Variants in KCNN2 observed in about 807,000 individuals in gnomAD.
KCNN2 encodes the protein small conductance calcium-activated potassium channel protein 2.
A neutral mutation model predicts 55.5 loss-of-function variants in KCNN2; 24 were observed. The ratio of observed to expected loss-of-function variants is 0.43; its 90% CI spans 0.31 to 0.61. KCNN2 has a LOEUF of 0.61. KCNN2 is among the 20% of genes least tolerant of loss of function. KCNN2 has a pLI of 0.08. For synonymous variants in KCNN2, 431 were observed against 336.1 expected, an observed-to-expected ratio of 1.28 and a Z score of -3.09; for missense variants, 754 against 853.6, an observed-to-expected ratio of 0.88 and a Z score of 1.45.
intron 2 of KCNN2, among the ~76,000 whole-genome samples, chr5:114,379,074 G>A (rs148050070): frequency 1.5e-3 from 235 of 152,106 alleles, no homozygotes; most frequent in African/African-American, 5.5e-3. Context: ...AGCCCCTCAG[G>A]GCCGCAGCTC....
chr5:114,115,764 G>A (rs886834523), intron 1 of KCNN2, among the ~76,000 whole-genome samples: 4 of 152,044 alleles, frequency 2.6e-5, no homozygotes, highest in African/African-American at 7.2e-5. Flanking sequence ...CAGCTAAAGA[G>A]CCTGCCCTTT....
chr5:114,065,343 C>A lies in KCNN2; in HGVS notation c.-271+8843C>A, dbSNP rs539071419. 6.0e-3 allele frequency among the ~76,000 whole-genome samples: 914 copies of A among 152,254 alleles called. 2 individuals carry two copies. The highest frequency in any genetic ancestry group is 0.01 in the Non-Finnish European group (695 of 68,022). On this transcript the variant is annotated intron_variant, in intron 1 of 10. Coordinates refer to the KCNN2 transcript ENST00000512097. The stretch of plus-strand genomic sequence containing the variant: ...TTGGAAATCCAGGCACCATGCCACA[C>A]AATATGTTGTTTTACCCAAGTCCAA...
intron 1 of KCNN2, among the ~76,000 whole-genome samples, chr5:114,181,767 A>C (rs1411575668): frequency 6.6e-6 from 1 of 152,196 alleles, no homozygotes; most frequent in Non-Finnish European, 1.5e-5. Flanking sequence ...CTGTAATCCC[A>C]GCACTTTGGG....
intron 2 of KCNN2, among the ~76,000 whole-genome samples, chr5:114,308,804 A>AT (rs1336618395): frequency 6.6e-6 from 1 of 152,208 alleles, no homozygotes; most frequent in East Asian, 1.9e-4. Context: ...TAAATGAAAA[A>AT]TTTAAAAATC....
intron 3 of KCNN2, among the ~76,000 whole-genome samples, chr5:114,443,313 GAAAA>G (rs998668927): frequency 3.8e-5 from 5 of 131,334 alleles, no homozygotes; most frequent in Non-Finnish European, 8.3e-5. Flanking sequence ...AAAGAAAAAA[GAAAA>G]AAAAAAAAGA....
At chr5:114,071,928 T>C (rs1013206075) in intron 1 of KCNN2, among the ~76,000 whole-genome samples, 6 of 152,182 alleles carry the variant, frequency 3.9e-5, no homozygotes, top group Non-Finnish European at 7.3e-5. Context: ...ATGTAGGTGC[T>C]GCTTTAATGC....
intron 2 of KCNN2, among the ~76,000 whole-genome samples, chr5:114,332,324 CAGTT>C (rs1201545046): frequency 5.3e-5 from 8 of 152,192 alleles, no homozygotes; most frequent in Admixed American, 1.3e-4. Flanking sequence ...TCTTGAGAGA[CAGTT>C]AGGAGTTTAT....
At chr5:114,477,704 G>A (rs566906752) in intron 5 of KCNN2, among the ~76,000 whole-genome samples, 1 of 152,180 alleles carries the variant, frequency 6.6e-6, no homozygotes, top group South Asian at 2.1e-4. Context: ...TCCATTCTGA[G>A]CAAACAGGAA....
intron 1 of KCNN2, among the ~76,000 whole-genome samples, chr5:114,063,284 T>C (rs954770918): frequency 6.6e-6 from 1 of 152,226 alleles, no homozygotes; most frequent in Non-Finnish European, 1.5e-5. Flanking sequence ...TGACAGGGCA[T>C]CTCTGGCCAG....
intron 6 of KCNN2, chr5:114,489,135 A>G (rs1747721720): frequency 6.6e-6 from 1 of 152,148 alleles, no homozygotes; most frequent in African/African-American, 2.4e-5. Context: ...TTCTGTAGCC[A>G]TGTGCAGTGG....
intron 2 of KCNN2, among the ~76,000 whole-genome samples, chr5:114,397,626 A>T (rs1758659155): frequency 1.3e-5 from 2 of 152,094 alleles, no homozygotes; most frequent in Non-Finnish European, 2.9e-5. Context: ...ACCTCAAGTG[A>T]TCTGCCCCGC....
intron 2 of KCNN2, among the ~76,000 whole-genome samples, chr5:114,399,270 C>T (rs533003332): frequency 6.6e-6 from 1 of 152,126 alleles, no homozygotes; most frequent in African/African-American, 2.4e-5. Flanking sequence ...TGAGTTTTAC[C>T]AAAAGCCTTT....
intron 2 of KCNN2, among the ~76,000 whole-genome samples, chr5:114,400,162 G>C (rs1385241689): frequency 1.3e-5 from 2 of 151,728 alleles, no homozygotes; most frequent in East Asian, 3.9e-4. Context: ...TTAGCTTTTG[G>C]GTTGGTTTGC....
intron 2 of KCNN2, among the ~76,000 whole-genome samples, 188 bp downstream of exon 2, chr5:114,364,189 A>G (rs1757535798): frequency 6.6e-6 from 1 of 152,220 alleles, no homozygotes; most frequent in Non-Finnish European, 1.5e-5. Context: ...AAGGCAGGGT[A>G]GCATATAAAC....
rs148431045 is a variant in KCNN2 at position 114,426,171 on chromosome 5, T to A, written c.1637+21315T>A. On this transcript the variant is annotated intron_variant, in intron 3 of 7. Coordinates refer to ENST00000673685, the MANE Select transcript of KCNN2 (RefSeq NM_021614.4). ...CCTCCACCCTGTCTCAAAAAAAAAA[T>A]GTGAAAAAGATCATATAACCTTCCT... Among the ~76,000 whole-genome samples, 873 of 151,568 alleles carry A rather than the reference T, an allele frequency of 5.8e-3. 8 individuals carry two copies. The highest frequency in any genetic ancestry group is 0.02 in the African/African-American group (839 of 41,132).
intron 5 of KCNN2, among the ~76,000 whole-genome samples, chr5:114,483,811 C>A (rs573948641): frequency 1.3e-5 from 2 of 151,568 alleles, no homozygotes; most frequent in African/African-American, 4.8e-5. Flanking sequence ...CAGAAAATGA[C>A]TTTTATTTCA....
At chr5:114,188,737 GA>G (rs35768550) in intron 1 of KCNN2, among the ~76,000 whole-genome samples, 1 of 151,776 alleles carries the variant, frequency 6.6e-6, no homozygotes, top group African/African-American at 2.4e-5. Context: ...ATAAATTGGG[GA>G]AAAAATGTAT....
chr5:114,439,611 G>A lies in KCNN2; in HGVS notation c.1638-23438G>A, dbSNP rs188409763. 2.0e-5 allele frequency among the ~76,000 whole-genome samples: 3 copies of A among 152,240 alleles called. 1 individual carries two copies. The highest frequency in any genetic ancestry group is 3.9e-4 in the East Asian group (2 of 5,180). On this transcript the variant is annotated intron_variant, in intron 3 of 7. Transcript: ENST00000673685. ...AATCAGGGTTTTAAAAGCTCCCTGG[G>A]TGATTCTAATGCACCGCCAAGGTTA...
At chr5:114,407,659 A>C (rs968163581) in intron 3 of KCNN2, among the ~76,000 whole-genome samples, 2 of 152,158 alleles carry the variant, frequency 1.3e-5, no homozygotes, top group African/African-American at 4.8e-5. Flanking sequence ...ATACCTTTAC[A>C]TATTTTGTGT....
Sources: gnomAD v4.1 joint callset for allele counts (sites outside exome capture counted in the v4.1 genomes callset) on GRCh38, gnomAD v4.1.1 for gene constraint, MANE v1.5 for transcripts, NCBI Gene and HGNC (gene_info 2026-07-23, HGNC 2026-07-21) for gene names.